Variants in TBC1D5 observed in about 807,000 individuals in gnomAD.
The protein encoded by TBC1D5 is TBC1 domain family, member 5.
A neutral mutation model predicts 100.3 loss-of-function variants in TBC1D5; 75 were observed. The ratio of observed to expected loss-of-function variants is 0.75; its 90% CI spans 0.62 to 0.91. The LOEUF is 0.91. TBC1D5 is among the 40% of genes least tolerant of loss of function. The pLI is 0.00. For missense variants in TBC1D5, 910 were observed against 942.4 expected (o/e 0.97, Z 0.45); for synonymous variants, 323 against 325.6 (o/e 0.99, Z 0.09).
chr3:17,596,378 G>A (rs953334453), intron 2 of TBC1D5, among the ~76,000 whole-genome samples: 15 of 144,116 alleles, frequency 1.0e-4, no homozygotes, highest in Admixed American at 3.6e-4. Context: ...GAGTGCAGTC[G>A]CGCAATTTGG....
At chr3:17,192,786 T>C (rs1194254763) in intron 18 of TBC1D5, among the ~76,000 whole-genome samples, 2 of 152,374 alleles carry the variant, frequency 1.3e-5, no homozygotes, top group Non-Finnish European at 2.9e-5. Context: ...GCTGGGCAAG[T>C]AGCAGAAATC....
chr3:17,606,794 C>G (rs1229253192), intron 2 of TBC1D5, among the ~76,000 whole-genome samples: 1 of 151,888 alleles, frequency 6.6e-6, no homozygotes, highest in Non-Finnish European at 1.5e-5. Context: ...AAAACAACAA[C>G]AACAACAACA....
intron 21 of TBC1D5, among the ~76,000 whole-genome samples, chr3:17,163,884 T>C (rs1476529220): frequency 1.3e-5 from 2 of 152,170 alleles, no homozygotes; most frequent in African/African-American, 4.8e-5. Flanking sequence ...GTGGCTGTAA[T>C]AGTAGACAAT....
chr3:17,530,904 T>C (rs2096213523), intron 2 of TBC1D5, among the ~76,000 whole-genome samples: 2 of 152,288 alleles, frequency 1.3e-5, no homozygotes, highest in South Asian at 2.1e-4. Context: ...ACTGGAAGCA[T>C]TCCCTTTGAA....
intron 2 of TBC1D5, among the ~76,000 whole-genome samples, chr3:17,587,519 T>C (rs2096740026): frequency 6.6e-6 from 1 of 151,986 alleles, no homozygotes; most frequent in South Asian, 2.1e-4. Flanking sequence ...TAAAATCGAG[T>C]AACAAAAGTC....
chr3:17,371,960 C>T, intron 13 of TBC1D5, 115 bp downstream of exon 13: 1 of 990,072 alleles, frequency 1.0e-6, no homozygotes, highest in East Asian at 2.9e-5. Context: ...TCGCTTGAGC[C>T]CAGGGGGCAG....
chr3:17,240,673 G>A lies in TBC1D5; in HGVS notation c.1332-2254C>T, dbSNP rs575710580. On this transcript the variant is annotated intron_variant, in intron 16 of 21. Coordinates refer to ENST00000253692, the Ensembl canonical transcript of TBC1D5. ...ACATTCCCATTTCCTGTGAGTGATA[G>A]TATAAAGAAAAGCTATCATGGACTG... is the stretch of plus-strand genomic sequence containing the variant. 7.9e-5 allele frequency among the ~76,000 whole-genome samples: 12 copies of A among 152,258 alleles called. No individual in the cohort carries two copies. The East Asian group carries it at 1.9e-3, about 24-fold the overall frequency.
At chr3:17,676,241 T>G (rs369567406) in intron 1 of TBC1D5, among the ~76,000 whole-genome samples, 1 of 152,182 alleles carries the variant, frequency 6.6e-6, no homozygotes, top group Non-Finnish European at 1.5e-5. Flanking sequence ...TGTTATCTAT[T>G]ATCTACCTCA....
intron 14 of TBC1D5, among the ~76,000 whole-genome samples, chr3:17,297,727 C>A (rs868498938): frequency 6.6e-6 from 1 of 151,496 alleles, no homozygotes; most frequent in African/African-American, 2.4e-5. Flanking sequence ...GGACTATAGG[C>A]GTGTGCCATC....
At chr3:17,466,578 T>C (rs1204137810) in intron 3 of TBC1D5, among the ~76,000 whole-genome samples, 1 of 152,218 alleles carries the variant, frequency 6.6e-6, no homozygotes, top group Non-Finnish European at 1.5e-5. Flanking sequence ...TGATGGACTT[T>C]AGGCAATATA....
intron 4 of TBC1D5, among the ~76,000 whole-genome samples, chr3:17,418,832 A>G (rs2094144130): frequency 6.6e-6 from 1 of 152,236 alleles, no homozygotes; most frequent in African/African-American, 2.4e-5. Flanking sequence ...AAATGAAGTC[A>G]CTTGTGTCAA....
intron 15 of TBC1D5, among the ~76,000 whole-genome samples, chr3:17,279,191 T>C (rs1282087151): frequency 6.6e-6 from 1 of 152,252 alleles, no homozygotes; most frequent in Non-Finnish European, 1.5e-5. Flanking sequence ...AAAGAAATTA[T>C]ATTTGGCAAT....
chr3:17,563,285 G>A (rs2096571419), intron 2 of TBC1D5, among the ~76,000 whole-genome samples: 1 of 152,202 alleles, frequency 6.6e-6, no homozygotes, highest in African/African-American at 2.4e-5. Flanking sequence ...CGGTATGCGG[G>A]CCTGGAGGTC....
intron 2 of TBC1D5, among the ~76,000 whole-genome samples, chr3:17,594,597 T>C (rs561350024): frequency 6.6e-6 from 1 of 152,246 alleles, no homozygotes; most frequent in Admixed American, 6.5e-5. Context: ...ATGTATACAC[T>C]TGTACTAAGA....
chr3:17,322,221 T>C (rs2085503139), intron 13 of TBC1D5, among the ~76,000 whole-genome samples: 1 of 152,264 alleles, frequency 6.6e-6, no homozygotes, highest in South Asian at 2.1e-4. Flanking sequence ...ATGAACATCA[T>C]TACACATACC....
chr3:17,236,634 C>T (rs2148997582), intron 17 of TBC1D5, among the ~76,000 whole-genome samples: 1 of 152,112 alleles, frequency 6.6e-6, no homozygotes, highest in Non-Finnish European at 1.5e-5. Flanking sequence ...TACCGGCATG[C>T]ACCACCATGC....
At chr3:17,288,676 G>T (rs1162313839) in intron 15 of TBC1D5, among the ~76,000 whole-genome samples, 1 of 152,082 alleles carries the variant, frequency 6.6e-6, no homozygotes, top group Non-Finnish European at 1.5e-5. Flanking sequence ...CCAACTTCGG[G>T]TAGAGGACCA....
At chr3:17,514,422 C>T (rs1389813688) in intron 2 of TBC1D5, among the ~76,000 whole-genome samples, 6 of 152,106 alleles carry the variant, frequency 3.9e-5, no homozygotes, top group African/African-American at 2.4e-5. Context: ...ATTTTACTAT[C>T]CAAGTGTTGT....
At position 17,583,400 on chromosome 3, in the gene TBC1D5, T is replaced by A. The variant is rs533465845; in HGVS notation, c.-36+40449A>T. Among the ~76,000 whole-genome samples the A allele has an allele frequency of 1.5e-4, 23 of 149,604 alleles. No homozygotes were observed. The South Asian group carries it at 3.4e-3, about 22-fold the overall frequency. On this transcript the variant is annotated intron_variant, in intron 2 of 21. Transcript: ENST00000253692. ...ATTTCCTGATAATCAAAAAAAAAAA[T>A]GGAAAATAGTAAGTGTTAGCAAAAT...
Sources: allele counts gnomAD v4.1 joint callset (sites outside exome capture counted in the v4.1 genomes callset), GRCh38; gene constraint gnomAD v4.1.1; transcripts MANE v1.5; gene names NCBI Gene and HGNC (gene_info 2026-07-23, HGNC 2026-07-21).